Variants in CNTNAP2 observed in about 807,000 individuals in gnomAD.
CNTNAP2 encodes contactin associated protein 2, also known as contactin-associated protein-like 2.
A neutral mutation model predicts 155.2 loss-of-function variants in CNTNAP2; 98 were observed. That is an observed-to-expected ratio of 0.63 (90% CI 0.54 to 0.75). CNTNAP2 has a LOEUF of 0.75. Ranked by LOEUF, CNTNAP2 falls within the 30% of genes least tolerant of loss-of-function variation. The pLI, the probability that CNTNAP2 is intolerant of heterozygous loss-of-function variation, is 0.00. For missense variants in CNTNAP2, 1,727 were observed against 1,688.1 expected (o/e 1.02, Z -0.40); for synonymous variants, 651 against 631.2 (o/e 1.03, Z -0.47).
At chr7:147,793,177 T>G (rs78383256) in intron 13 of CNTNAP2, among the ~76,000 whole-genome samples, 6,843 of 152,200 alleles carry the variant, frequency 0.045, 202 homozygotes, top group Non-Finnish European at 0.059. Context: ...CGCCCAAATA[T>G]TTTAATTTTG....
At position 147,751,477 on chromosome 7, in the gene CNTNAP2, T is replaced by C. The variant is rs1053837822; in HGVS notation, c.2098+112171T>C. 1.3e-3 allele frequency among the ~76,000 whole-genome samples: 40 copies of C among 31,406 alleles called. No homozygotes were observed. In the Non-Finnish European group the frequency reaches 0.036, roughly 28 times the overall value. 20.6% of individuals were successfully genotyped at this position (31,406 alleles called of 152,430 possible). ...AGTTTGTTCAAGCTCAAGATATAAA[T>C]AGATTTCATAAAGTTTCAGATAAGT... On this transcript the variant is annotated intron_variant, in intron 13 of 23. Transcript: ENST00000361727.
At chr7:147,571,853 CTCTT>C (rs1284881049) in intron 12 of CNTNAP2, among the ~76,000 whole-genome samples, 1 of 152,104 alleles carries the variant, frequency 6.6e-6, no homozygotes, top group African/African-American at 2.4e-5. Flanking sequence ...ATTTTCTCTC[CTCTT>C]TCTGTCTCCT....
At chr7:147,237,946 G>A (rs1030700342) in intron 8 of CNTNAP2, among the ~76,000 whole-genome samples, 2 of 152,194 alleles carry the variant, frequency 1.3e-5, no homozygotes, top group Non-Finnish European at 2.9e-5. Flanking sequence ...AATTCCATGG[G>A]ATAGTGCTAA....
intron 1 of CNTNAP2, among the ~76,000 whole-genome samples, chr7:146,477,645 AC>A: frequency 6.9e-6 from 1 of 144,764 alleles, no homozygotes; most frequent in African/African-American, 2.7e-5. Flanking sequence ...ACACACACAC[AC>A]ACACACACAC....
intron 4 of CNTNAP2, among the ~76,000 whole-genome samples, chr7:147,078,517 A>C (rs1800038822): frequency 6.6e-6 from 1 of 152,074 alleles, no homozygotes; most frequent in Non-Finnish European, 1.5e-5. Flanking sequence ...TGTTGAAAGC[A>C]CAGATTTTTT....
intron 1 of CNTNAP2, among the ~76,000 whole-genome samples, chr7:146,238,634 A>G (rs1213331086): frequency 6.6e-6 from 1 of 152,226 alleles, no homozygotes; most frequent in Non-Finnish European, 1.5e-5. Flanking sequence ...CAATTCGAGC[A>G]TAAGAAGAAA....
At chr7:147,401,254 C>T (rs761987112) in intron 10 of CNTNAP2, among the ~76,000 whole-genome samples, 47 of 152,114 alleles carry the variant, frequency 3.1e-4, no homozygotes, top group Middle Eastern at 3.4e-3. Flanking sequence ...ACACAGAGAG[C>T]GGAAAAGGAA....
At chr7:146,906,753 C>T (rs1297844484) in intron 3 of CNTNAP2, among the ~76,000 whole-genome samples, 1 of 152,192 alleles carries the variant, frequency 6.6e-6, no homozygotes, top group African/African-American at 2.4e-5. Flanking sequence ...ACCTCTCCTC[C>T]TCCAAAGGAA....
At chr7:147,853,330 T>TA (rs2116672956) in intron 13 of CNTNAP2, among the ~76,000 whole-genome samples, 1 of 152,336 alleles carries the variant, frequency 6.6e-6, no homozygotes, top group South Asian at 2.1e-4. Context: ...CTAGAACTGT[T>TA]ACGAAGGAAA....
intron 1 of CNTNAP2, among the ~76,000 whole-genome samples, chr7:146,547,802 A>C (rs1368829610): frequency 6.6e-6 from 1 of 150,606 alleles, no homozygotes; most frequent in African/African-American, 2.4e-5. Flanking sequence ...TCCTGGTTTT[A>C]ATTATTTTGG....
At chr7:147,610,699 A>G (rs989384182) in intron 12 of CNTNAP2, among the ~76,000 whole-genome samples, 3 of 152,160 alleles carry the variant, frequency 2.0e-5, no homozygotes, top group Admixed American at 1.3e-4. Flanking sequence ...GAAACAGCCC[A>G]GGCAAACGTC....
At chr7:146,781,991 C>A (rs147512299) in intron 2 of CNTNAP2, among the ~76,000 whole-genome samples, 186 of 152,294 alleles carry the variant, frequency 1.2e-3, no homozygotes, top group African/African-American at 4.2e-3. Context: ...CTCATGACCG[C>A]CCGAATCAGC....
intron 20 of CNTNAP2, among the ~76,000 whole-genome samples, chr7:148,247,718 A>G (rs1215800721): frequency 6.7e-6 from 1 of 149,384 alleles, no homozygotes; most frequent in Non-Finnish European, 1.5e-5. Context: ...TAGTTGTGCA[A>G]TCTCAGCTCA....
At chr7:147,337,302 AG>A (rs924299069) in intron 9 of CNTNAP2, among the ~76,000 whole-genome samples, 4 of 152,090 alleles carry the variant, frequency 2.6e-5, no homozygotes, top group African/African-American at 9.7e-5. Context: ...ACTGCAGCTG[AG>A]GGCCCCCCAA....
intron 9 of CNTNAP2, among the ~76,000 whole-genome samples, chr7:147,325,970 T>G (rs2116830497): frequency 6.6e-6 from 1 of 152,314 alleles, no homozygotes; most frequent in South Asian, 2.1e-4. Context: ...TAGCCCTGGC[T>G]GGAGTGCAGT....
intron 22 of CNTNAP2, among the ~76,000 whole-genome samples, chr7:148,398,502 T>TAATA (rs1799515815): frequency 6.6e-6 from 1 of 152,266 alleles, no homozygotes; most frequent in Admixed American, 6.5e-5. Context: ...AGCAGATCAA[T>TAATA]AATATTCAGC....
intron 11 of CNTNAP2, among the ~76,000 whole-genome samples, chr7:147,532,698 G>T (rs1799463729): frequency 1.3e-5 from 2 of 152,166 alleles, no homozygotes; most frequent in East Asian, 1.9e-4. Flanking sequence ...GACTGAGGAG[G>T]CCTCAGAATC....
At chr7:146,515,834 G>C (rs1797532973) in intron 1 of CNTNAP2, among the ~76,000 whole-genome samples, 3 of 152,014 alleles carry the variant, frequency 2.0e-5, no homozygotes, top group Non-Finnish European at 4.4e-5. Context: ...CATTGTCCAA[G>C]AAATCCAGAG....
chr7:147,559,985 A>T (rs1800028578), intron 11 of CNTNAP2, among the ~76,000 whole-genome samples: 1 of 151,848 alleles, frequency 6.6e-6, no homozygotes, highest in Admixed American at 6.6e-5. Context: ...CCTGACCAAC[A>T]TGGAGAAACC....
Sources: allele counts gnomAD v4.1 joint callset (sites outside exome capture counted in the v4.1 genomes callset), GRCh38; gene constraint gnomAD v4.1.1; transcripts MANE v1.5; gene names NCBI Gene and HGNC (gene_info 2026-07-23, HGNC 2026-07-21).